The following GPR158 variants were observed in gnomAD, a reference collection of about 807,000 sequenced individuals.
GPR158 encodes metabotropic glycine receptor.
A neutral mutation model predicts 78.2 loss-of-function variants in GPR158; 30 were observed. The ratio of observed to expected loss-of-function variants is 0.38; its 90% CI spans 0.29 to 0.52. GPR158 has a LOEUF of 0.52. Ranked by LOEUF, GPR158 falls within the 20% of genes least tolerant of loss-of-function variation. The pLI is 0.83. For synonymous variants in GPR158, 581 were observed against 591.1 expected, an observed-to-expected ratio of 0.98 and a Z score of 0.25; for missense variants, 1,463 against 1,523.5, an observed-to-expected ratio of 0.96 and a Z score of 0.66.
chr10:25,267,882 A>G (rs1854064298), intron 2 of GPR158, among the ~76,000 whole-genome samples: 1 of 152,174 alleles, frequency 6.6e-6, no homozygotes, highest in African/African-American at 2.4e-5. Context: ...AGTTAATGGA[A>G]TTGCAGAAGA....
chr10:25,453,205 C>T (rs564950654), intron 4 of GPR158, among the ~76,000 whole-genome samples: 161 of 152,230 alleles, frequency 1.1e-3, no homozygotes, highest in African/African-American at 3.7e-3. Context: ...GATACCGCTT[C>T]GACATACTGA....
intron 1 of GPR158, among the ~76,000 whole-genome samples, chr10:25,195,631 C>T (rs1852833803): frequency 1.3e-5 from 2 of 152,214 alleles, no homozygotes; most frequent in Admixed American, 6.5e-5. Flanking sequence ...CTATCATGGA[C>T]ATCTTTTCAA....
At chr10:25,583,233 A>G (rs1389132847) in intron 7 of GPR158, among the ~76,000 whole-genome samples, 1 of 151,822 alleles carries the variant, frequency 6.6e-6, no homozygotes, top group Non-Finnish European at 1.5e-5. Flanking sequence ...ATCCTTCTCT[A>G]TCTCGGAGCT....
intron 3 of GPR158, among the ~76,000 whole-genome samples, chr10:25,405,036 TAAC>T (rs1834494073): frequency 2.0e-5 from 3 of 152,100 alleles, no homozygotes; most frequent in Admixed American, 2.0e-4. Context: ...TCTAGACAAG[TAAC>T]TCAGTCTTCC....
chr10:25,365,791 C>T (rs1855713168), intron 2 of GPR158, among the ~76,000 whole-genome samples: 1 of 151,554 alleles, frequency 6.6e-6, no homozygotes, highest in South Asian at 2.1e-4. Context: ...AATAAGTATA[C>T]AGCACAATGA....
At chr10:25,337,895 C>A (rs1446287179) in intron 2 of GPR158, among the ~76,000 whole-genome samples, 5 of 151,868 alleles carry the variant, frequency 3.3e-5, no homozygotes, top group African/African-American at 1.2e-4. Context: ...GGGTGAACAC[C>A]ATTTTATATG....
At position 25,186,521 on chromosome 10, in the gene GPR158, T is replaced by C. The variant is rs1852688226; in HGVS notation, c.902+10199T>C. 2.0e-5 allele frequency among the ~76,000 whole-genome samples: 3 copies of C among 151,848 alleles called. No individual in the cohort carries two copies. In the South Asian group the frequency reaches 6.3e-4, roughly 32 times the overall value. On this transcript the variant is annotated intron_variant, in intron 1 of 10. Coordinates refer to ENST00000376351, the MANE Select transcript of GPR158 (RefSeq NM_020752.3). ...AGAGAGAAGAATCAAATAGACACAA[T>C]AAAAAATGATAAAGGGGTTATCACC...
intron 2 of GPR158, among the ~76,000 whole-genome samples, chr10:25,276,300 C>G (rs1244758347): frequency 5.9e-5 from 9 of 152,122 alleles, no homozygotes; most frequent in Admixed American, 5.9e-4. Flanking sequence ...GTTCACTGGA[C>G]TCTCTTTCTC....
At chr10:25,360,640 C>T (rs1057302695) in intron 2 of GPR158, among the ~76,000 whole-genome samples, 1 of 152,066 alleles carries the variant, frequency 6.6e-6, no homozygotes, top group East Asian at 1.9e-4. Context: ...GGTACCAGTA[C>T]CACGCAGTTT....
intron 4 of GPR158, among the ~76,000 whole-genome samples, chr10:25,452,544 C>T (rs1323961077): frequency 6.6e-6 from 1 of 152,076 alleles, no homozygotes; most frequent in Non-Finnish European, 1.5e-5. Context: ...AGCTGGACTT[C>T]CTTATTATAC....
intron 4 of GPR158, among the ~76,000 whole-genome samples, chr10:25,417,303 T>G (rs956088): frequency 0.82 from 125,408 of 152,142 alleles, 52,784 homozygotes; most frequent in African/African-American, 0.89. Context: ...GTGTCATAAT[T>G]TGGTCCTGAT....
At chr10:25,235,952 C>T (rs562028193) in intron 2 of GPR158, among the ~76,000 whole-genome samples, 18 of 152,074 alleles carry the variant, frequency 1.2e-4, no homozygotes, top group East Asian at 1.9e-4. Context: ...CGCCTCAGCC[C>T]CCCAAAGTCC....
At chr10:25,361,595 TTTG>T (rs1378203555) in intron 2 of GPR158, among the ~76,000 whole-genome samples, 1 of 151,866 alleles carries the variant, frequency 6.6e-6, no homozygotes, top group East Asian at 1.9e-4. Context: ...CTCACAAACA[TTTG>T]TTATTTTCTG....
intron 1 of GPR158, among the ~76,000 whole-genome samples, chr10:25,204,818 G>GTTTTT (rs1159106958): frequency 0.015 from 1,799 of 118,816 alleles, 97 homozygotes; most frequent in African/African-American, 0.058. Context: ...GTCTCTGAGG[G>GTTTTT]TTTTTTTTTT....
intron 4 of GPR158, among the ~76,000 whole-genome samples, chr10:25,424,655 T>G (rs575522199): frequency 1.3e-4 from 19 of 151,874 alleles, no homozygotes; most frequent in Middle Eastern, 3.4e-3. Flanking sequence ...TTTCCCCATT[T>G]CTTGTTTTTG....
intron 5 of GPR158, among the ~76,000 whole-genome samples, chr10:25,544,462 G>T (rs895575657): frequency 3.3e-5 from 5 of 152,034 alleles, no homozygotes; most frequent in Non-Finnish European, 7.4e-5. Context: ...AGTATATTTT[G>T]GACCCTAAAT....
At chr10:25,273,603 G>A (rs1854145647) in intron 2 of GPR158, among the ~76,000 whole-genome samples, 1 of 152,104 alleles carries the variant, frequency 6.6e-6, no homozygotes, top group Non-Finnish European at 1.5e-5. Context: ...TTCTTAGGGA[G>A]AAAGCCTTTG....
In GPR158 at chr10:25,540,964, ATATATATATATAT is replaced by A. The variant is rs1481276689; in HGVS notation, c.1405-10011_1405-9999del. 1.6e-3 allele frequency among the ~76,000 whole-genome samples: 229 copies of A among 147,204 alleles called. 2 individuals are homozygous for A. Among genetic ancestry groups the A allele is most frequent in the African/African-American group, 3.6e-3 (146 of 40,578 alleles). On this transcript the variant is annotated intron_variant, in intron 5 of 10. Coordinates refer to ENST00000376351, the MANE Select transcript of GPR158 (RefSeq NM_020752.3). ...AATAAAAATATATATATATATATAT[ATATATATATATAT>A]AAAGTTTATCTAAAACCTACACCTA...
intron 4 of GPR158, among the ~76,000 whole-genome samples, chr10:25,451,526 G>A (rs898658109): frequency 2.6e-5 from 4 of 152,286 alleles, no homozygotes; most frequent in African/African-American, 9.6e-5. Context: ...TTCAGTAGAA[G>A]GTTAGTAAAA....
Sources: gnomAD v4.1 joint callset for allele counts (sites outside exome capture counted in the v4.1 genomes callset) on GRCh38, gnomAD v4.1.1 for gene constraint, MANE v1.5 for transcripts, NCBI Gene and HGNC (gene_info 2026-07-23, HGNC 2026-07-21) for gene names.